Variants in SMAD2 observed in about 807,000 individuals in gnomAD.
The protein encoded by SMAD2 is MAD homolog 2.
Under a neutral mutation model 64.4 loss-of-function variants are expected in SMAD2, and 8 were observed. The ratio of observed to expected loss-of-function variants is 0.12; its 90% CI spans 0.07 to 0.22. The LOEUF (loss-of-function observed/expected upper bound fraction) is 0.22, where lower values mean the gene tolerates loss of function less well. Among genes scored for constraint, SMAD2 ranks in the 10% least tolerant of loss-of-function variants. The probability of loss-of-function intolerance (pLI) is 1.00; values close to 1 mark genes in which losing one functional copy is unlikely to be tolerated. For missense variants in SMAD2, 289 were observed against 561.2 expected (o/e 0.51, Z 4.90); for synonymous variants, 203 against 195.8 (o/e 1.04, Z -0.31).
rs146135027 is a variant in SMAD2, at chr18:47,866,029, G to C, written c.656-896C>G. Among the ~76,000 whole-genome samples the C allele has an allele frequency of 7.8e-3, 1,189 of 152,056 alleles. 10 individuals carry two copies. The highest frequency in any genetic ancestry group is 0.014 in the Middle Eastern group (4 of 294). On this transcript the variant is annotated intron_variant, in intron 5 of 10. Transcript: ENST00000262160. Reference sequence around the variant, plus strand: ...CCAAACAATTTTAAAATTATCAAAAGAACGAGGCCAGGCGCGGTGGCTTAT... The same window carrying C: ...CCAAACAATTTTAAAATTATCAAAACAACGAGGCCAGGCGCGGTGGCTTAT...
At chr18:47,911,004 A>G (rs1453723963) in intron 1 of SMAD2, among the ~76,000 whole-genome samples, 1 of 152,234 alleles carries the variant, frequency 6.6e-6, no homozygotes, top group African/African-American at 2.4e-5. Flanking sequence ...AATGTTCTCA[A>G]AAAAGGTCCT....
intron 1 of SMAD2, among the ~76,000 whole-genome samples, chr18:47,928,506 A>G (rs1224288727): frequency 2.6e-5 from 4 of 152,234 alleles, no homozygotes; most frequent in Non-Finnish European, 5.9e-5. Flanking sequence ...TGTTCCTACT[A>G]AAGTTCTGTT....
chr18:47,924,248 CAAAAAAAAA>C (rs201933597), intron 1 of SMAD2, among the ~76,000 whole-genome samples: 11 of 99,758 alleles, frequency 1.1e-4, no homozygotes, highest in Non-Finnish European at 2.0e-4. Flanking sequence ...AACTCCGTCT[CAAAAAAAAA>C]AAAAAAAAGA....
chr18:47,851,185 T>A, intron 7 of SMAD2, 89 bp downstream of exon 7: 1 of 919,706 alleles, frequency 1.1e-6, no homozygotes, highest in Non-Finnish European at 1.8e-6. Context: ...CTTTCTCGGA[T>A]ATATAAAAAA....
chr18:47,911,387 A>G (rs2034130197), intron 1 of SMAD2, among the ~76,000 whole-genome samples: 1 of 151,878 alleles, frequency 6.6e-6, no homozygotes, highest in Non-Finnish European at 1.5e-5. Flanking sequence ...GCCATAACCT[A>G]ATATAATCAT....
intron 1 of SMAD2, among the ~76,000 whole-genome samples, chr18:47,929,487 T>C (rs980580287): frequency 1.3e-5 from 2 of 152,232 alleles, no homozygotes; most frequent in Admixed American, 6.5e-5. Flanking sequence ...ACATGTCGTT[T>C]TAAAAGTTTC....
intron 6 of SMAD2, among the ~76,000 whole-genome samples, chr18:47,856,491 C>T (rs371043940): frequency 3.3e-5 from 5 of 152,288 alleles, no homozygotes; most frequent in African/African-American, 9.6e-5. Context: ...TTACTGAATA[C>T]AGACTAAAGT....
rs1222215644 is a variant in SMAD2 at position 47,821,954 on chromosome 18, T to C, written c.*19873A>G. On this transcript the variant is annotated 3_prime_UTR_variant, in exon 11 of 11. Coordinates refer to ENST00000262160, the MANE Select transcript of SMAD2 (RefSeq NM_005901.6). ...AAGTTCTAAATTAAGTGTTTTTGACTTAAAATTACCTTTGAGTTTTCCACT... is the reference window on the plus strand; with the variant it reads ...AAGTTCTAAATTAAGTGTTTTTGACCTAAAATTACCTTTGAGTTTTCCACT... 6.6e-6 allele frequency: 1 copy of C among 152,238 alleles called. No individual in the cohort carries two copies. The highest frequency in any genetic ancestry group is 1.5e-5 in the Non-Finnish European group (1 of 68,042). 9.4% of individuals were successfully genotyped at this position (152,238 alleles called of 1,614,324 possible).
At chr18:47,925,346 T>C (rs1454613902) in intron 1 of SMAD2, among the ~76,000 whole-genome samples, 1 of 152,210 alleles carries the variant, frequency 6.6e-6, no homozygotes, top group African/African-American at 2.4e-5. Context: ...ATCAAGCACC[T>C]GTCCTATCAA....
At chr18:47,856,901 A>G (rs1380115932) in intron 6 of SMAD2, among the ~76,000 whole-genome samples, 1 of 123,402 alleles carries the variant, frequency 8.1e-6, no homozygotes, top group African/African-American at 3.1e-5. Context: ...TCTGTCGCCC[A>G]GGCTGGAGTG....
At chr18:47,853,729 T>C (rs1395497719) in intron 6 of SMAD2, among the ~76,000 whole-genome samples, 1 of 151,948 alleles carries the variant, frequency 6.6e-6, no homozygotes, top group Admixed American at 6.5e-5. Flanking sequence ...ATGTTCCTTT[T>C]TTCTCAGTTT....
intron 6 of SMAD2, among the ~76,000 whole-genome samples, chr18:47,862,397 G>A (rs2031253310): frequency 1.3e-5 from 2 of 152,190 alleles, no homozygotes; most frequent in South Asian, 2.1e-4. Flanking sequence ...GCAAAGCCAT[G>A]CTCTCTCAAA....
chr18:47,895,360 C>T (rs980048851), intron 2 of SMAD2: 3 of 152,228 alleles, frequency 2.0e-5, no homozygotes, highest in Non-Finnish European at 2.9e-5. Flanking sequence ...CATCACAATC[C>T]GACCCAAAGC....
chr18:47,910,691 G>A (rs2034092003), intron 1 of SMAD2, among the ~76,000 whole-genome samples: 1 of 152,114 alleles, frequency 6.6e-6, no homozygotes, highest in Non-Finnish European at 1.5e-5. Flanking sequence ...CTTCCACTTA[G>A]TGAATAGTAT....
At position 47,823,411 on chromosome 18, in the gene SMAD2, A is replaced by G; in HGVS notation, c.*18416T>C. On this transcript the variant is annotated 3_prime_UTR_variant, in exon 11 of 11. Transcript: ENST00000262160. ...CTATATGTACCTGTTATTAGATCAC[A>G]GCTCTGTACCGTTTTGAAACTCCTG... 1 of 151,382 alleles carries G rather than the reference A, an allele frequency of 6.6e-6. No homozygotes were observed. The highest frequency in any genetic ancestry group is 1.5e-5 in the Non-Finnish European group (1 of 68,018). 9.4% of individuals were successfully genotyped at this position (151,382 alleles called of 1,614,324 possible). A position where few individuals can be genotyped will look rare whatever the true frequency, so the allele number is the denominator to read the frequency against.
At chr18:47,879,089 C>T (rs948996165) in intron 2 of SMAD2, among the ~76,000 whole-genome samples, 1 of 152,174 alleles carries the variant, frequency 6.6e-6, no homozygotes, top group Non-Finnish European at 1.5e-5. Flanking sequence ...ACTGCACTCA[C>T]TCCATCTTGA....
chr18:47,862,614 T>C (rs546576229), intron 6 of SMAD2, among the ~76,000 whole-genome samples: 1 of 152,280 alleles, frequency 6.6e-6, no homozygotes, highest in Admixed American at 6.5e-5. Context: ...AACAACTACA[T>C]TTACAAAGAT....
At position 47,837,902 on chromosome 18, in the gene SMAD2, A is replaced by AG. The variant is rs1466699384; in HGVS notation, c.*3924dup. 3 of 232,676 alleles carry AG rather than the reference A, an allele frequency of 1.3e-5. No homozygotes were observed. Among genetic ancestry groups the AG allele is most frequent in the African/African-American group, 6.6e-5 (3 of 45,296 alleles). 14.4% of individuals were successfully genotyped at this position (232,676 alleles called of 1,614,324 possible). A position where few individuals can be genotyped will look rare whatever the true frequency, so the allele number is the denominator to read the frequency against. Reference sequence around the variant, plus strand: ...TGAAGACATATTTTATGTACAGTGAAGATTGTCTTGTGTTACTTTATATCC... The same window carrying AG: ...TGAAGACATATTTTATGTACAGTGAAGGATTGTCTTGTGTTACTTTATATCC... On this transcript the variant is annotated 3_prime_UTR_variant, in exon 11 of 11. Transcript: ENST00000262160.
At chr18:47,883,738 T>C (rs566406908) in intron 2 of SMAD2, among the ~76,000 whole-genome samples, 1 of 152,364 alleles carries the variant, frequency 6.6e-6, no homozygotes, top group Non-Finnish European at 1.5e-5. Flanking sequence ...CTGTCATTTG[T>C]ATGCTGCGTG....
Sources: allele counts gnomAD v4.1 joint callset (sites outside exome capture counted in the v4.1 genomes callset), GRCh38; gene constraint gnomAD v4.1.1; transcripts MANE v1.5; gene names NCBI Gene and HGNC (gene_info 2026-07-23, HGNC 2026-07-21).